Variants in MED13L observed in about 807,000 individuals in gnomAD.
MED13L encodes the protein mediator complex subunit 13L, also known as mediator of RNA polymerase II transcription subunit 13-like.
A neutral mutation model predicts 220.9 loss-of-function variants in MED13L; 7 were observed. The ratio of observed to expected loss-of-function variants is 0.03; its 90% confidence interval spans 0.02 to 0.06. MED13L has a LOEUF of 0.06. Among genes scored for constraint, MED13L ranks in the 10% least tolerant of loss-of-function variants. The pLI is 1.00. For missense variants in MED13L, 1,965 were observed against 2,760.5 expected (o/e 0.71, Z 6.46); for synonymous variants, 1,011 against 1,015.2 (o/e 1.00, Z 0.08).
intron 2 of MED13L, among the ~76,000 whole-genome samples, chr12:116,119,281 C>T (rs1874794775): frequency 6.6e-6 from 1 of 152,076 alleles, no homozygotes; most frequent in Non-Finnish European, 1.5e-5. Context: ...AAAAGAAAGC[C>T]GATGGAGATA....
chr12:116,206,602 A>G (rs375112925), intron 2 of MED13L, among the ~76,000 whole-genome samples: 1 of 152,210 alleles, frequency 6.6e-6, no homozygotes, highest in African/African-American at 2.4e-5. Context: ...AGGGCTGTTG[A>G]GGAAAAACAG....
intron 29 of MED13L, among the ~76,000 whole-genome samples, chr12:115,965,276 G>A (rs533428197): frequency 6.6e-6 from 1 of 152,334 alleles, no homozygotes; most frequent in Admixed American, 6.5e-5. Flanking sequence ...CTGTCTGGAT[G>A]CACCACAGTT....
intron 1 of MED13L, among the ~76,000 whole-genome samples, chr12:116,262,044 A>T (rs758311655): frequency 1.3e-5 from 2 of 152,236 alleles, no homozygotes; most frequent in African/African-American, 4.8e-5. Context: ...CTGTGCATAC[A>T]GAATTAACTC....
At chr12:116,203,236 G>A (rs183152433) in intron 2 of MED13L, among the ~76,000 whole-genome samples, 7 of 152,124 alleles carry the variant, frequency 4.6e-5, no homozygotes, top group Admixed American at 3.9e-4. Flanking sequence ...TGTAAGATTC[G>A]GTTTTACAAG....
intron 2 of MED13L, among the ~76,000 whole-genome samples, chr12:116,153,025 G>A (rs570662791): frequency 1.2e-4 from 18 of 152,068 alleles, no homozygotes; most frequent in Non-Finnish European, 1.5e-4. Flanking sequence ...ACATTTAAGA[G>A]CAGAGATAAG....
At chr12:116,190,802 A>G (rs1286304366) in intron 2 of MED13L, among the ~76,000 whole-genome samples, 1 of 152,160 alleles carries the variant, frequency 6.6e-6, no homozygotes, top group African/African-American at 2.4e-5. Flanking sequence ...GCTTACCTTG[A>G]GGACTGGGGC....
intron 9 of MED13L, among the ~76,000 whole-genome samples, chr12:116,012,321 AG>A (rs1357003214): frequency 6.6e-6 from 1 of 152,226 alleles, no homozygotes; most frequent in East Asian, 1.9e-4. Context: ...TGAATAAGCA[AG>A]GTATCATTAC....
At chr12:116,031,545 T>C (rs1050737363) in intron 4 of MED13L, among the ~76,000 whole-genome samples, 3 of 134,902 alleles carry the variant, frequency 2.2e-5, no homozygotes, top group East Asian at 2.4e-4. Context: ...GAAGCTGAGA[T>C]TGGGCCACTG....
chr12:116,267,725 C>T (rs1031074420), intron 1 of MED13L, among the ~76,000 whole-genome samples: 4 of 152,134 alleles, frequency 2.6e-5, no homozygotes, highest in African/African-American at 9.7e-5. Flanking sequence ...CACTGCTATA[C>T]AGCTTAAAGA....
intron 13 of MED13L, among the ~76,000 whole-genome samples, 164 bp downstream of exon 13, chr12:116,005,705 C>T (rs1440537648): frequency 6.6e-6 from 1 of 152,038 alleles, no homozygotes; most frequent in African/African-American, 2.4e-5. Context: ...TTTTTTTATA[C>T]AGCATGACTA....
intron 4 of MED13L, among the ~76,000 whole-genome samples, chr12:116,061,053 T>TAATG (rs1869432668): frequency 1.3e-5 from 2 of 152,200 alleles, no homozygotes; most frequent in Admixed American, 1.3e-4. Context: ...AACAAGCTGA[T>TAATG]CATTAAGTTA....
intron 12 of MED13L, 113 bp from the exon 13 acceptor site, chr12:116,006,106 G>A: frequency 6.8e-7 from 1 of 1,475,580 alleles, no homozygotes; most frequent in South Asian, 1.2e-5. Flanking sequence ...TTTCCCTATG[G>A]TTTTAGTTAA....
chr12:116,008,225 T>TGCTA (rs1468324220), intron 10 of MED13L, 176 bp downstream of exon 10: 1 of 850,300 alleles, frequency 1.2e-6, no homozygotes, highest in Non-Finnish European at 1.8e-6. Flanking sequence ...ATGACATGTG[T>TGCTA]GCTAACCTAT....
At chr12:116,242,916 G>C (rs117786316) in intron 1 of MED13L, among the ~76,000 whole-genome samples, 1,703 of 152,222 alleles carry the variant, frequency 0.011, 14 homozygotes, top group Middle Eastern at 0.048. Context: ...TTATAAAATA[G>C]TACAAAGAAA....
intron 4 of MED13L, among the ~76,000 whole-genome samples, chr12:116,075,546 T>C (rs896695905): frequency 6.6e-6 from 1 of 152,218 alleles, no homozygotes; most frequent in African/African-American, 2.4e-5. Flanking sequence ...ATGTAAAGCA[T>C]TTATTAGCAC....
At chr12:116,198,224 A>C (rs1169642541) in intron 2 of MED13L, among the ~76,000 whole-genome samples, 1 of 152,292 alleles carries the variant, frequency 6.6e-6, no homozygotes, top group South Asian at 2.1e-4. Context: ...TTAGGTCTCA[A>C]CTGTACCATC....
chr12:115,992,325 A>G (rs757653959), intron 16 of MED13L, among the ~76,000 whole-genome samples: 6 of 152,216 alleles, frequency 3.9e-5, no homozygotes, highest in African/African-American at 7.2e-5. Context: ...AACTTCAACC[A>G]TAAGTGCAGA....
At chr12:116,273,691 A>G (rs576440910) in intron 1 of MED13L, among the ~76,000 whole-genome samples, 8 of 152,232 alleles carry the variant, frequency 5.3e-5, no homozygotes, top group Non-Finnish European at 1.2e-4. Context: ...ATTATCACCC[A>G]ATTATCCATA....
intron 2 of MED13L, among the ~76,000 whole-genome samples, chr12:116,111,770 T>C (rs1874111204): frequency 6.6e-6 from 1 of 152,196 alleles, no homozygotes; most frequent in Non-Finnish European, 1.5e-5. Context: ...CATAAATGTC[T>C]TTACAATCTG....
Sources: allele counts gnomAD v4.1 joint callset (sites outside exome capture counted in the v4.1 genomes callset), GRCh38; gene constraint gnomAD v4.1.1; transcripts MANE v1.5; gene names NCBI Gene and HGNC (gene_info 2026-07-23, HGNC 2026-07-21).